Variants in DNM3 observed in about 807,000 individuals in gnomAD.
The protein encoded by DNM3 is dynamin-3.
Under a neutral mutation model 101.6 loss-of-function variants are expected in DNM3, and 47 were observed. That is an observed-to-expected ratio of 0.46 (90% confidence interval 0.37 to 0.59). DNM3 has a LOEUF of 0.59. DNM3 is among the 20% of genes least tolerant of loss of function. DNM3 has a pLI of 0.00. For missense variants in DNM3, 849 were observed against 1,085.7 expected (o/e 0.78, Z 3.06); for synonymous variants, 385 against 387.9 (o/e 0.99, Z 0.09).
intron 17 of DNM3, among the ~76,000 whole-genome samples, chr1:172,365,581 A>G (rs1277557621): frequency 1.3e-5 from 2 of 151,990 alleles, no homozygotes; most frequent in African/African-American, 2.4e-5. Context: ...GTAGACATTG[A>G]TGTCGTTGCA....
intron 13 of DNM3, among the ~76,000 whole-genome samples, chr1:172,130,912 CAT>C (rs1383255629): frequency 2.0e-5 from 3 of 152,102 alleles, no homozygotes; most frequent in African/African-American, 7.2e-5. Flanking sequence ...TGCCTCACTT[CAT>C]TCTTGTTTCA....
intron 20 of DNM3, chr1:172,397,043 A>G (rs577328414): frequency 1.3e-5 from 2 of 152,734 alleles, no homozygotes; most frequent in Admixed American, 1.3e-4. Context: ...TCCCTTAAGT[A>G]AATCTACCCT....
At chr1:172,169,968 G>C (rs1020181856) in intron 14 of DNM3, among the ~76,000 whole-genome samples, 1 of 151,800 alleles carries the variant, frequency 6.6e-6, no homozygotes, top group African/African-American at 2.4e-5. Flanking sequence ...AGTGTGCAAA[G>C]AAATCCCTTG....
intron 1 of DNM3, among the ~76,000 whole-genome samples, chr1:171,866,348 C>A (rs539305737): frequency 6.6e-6 from 1 of 152,036 alleles, no homozygotes; most frequent in Non-Finnish European, 1.5e-5. Context: ...TTTTCCATTT[C>A]TTTTGTACAT....
chr1:172,290,628 T>C (rs772456506), intron 15 of DNM3, among the ~76,000 whole-genome samples: 56 of 152,250 alleles, frequency 3.7e-4, no homozygotes, highest in South Asian at 6.2e-4. Context: ...GTGGCTTCTT[T>C]GTGGCGAGTG....
chr1:172,362,869 A>G (rs979935), intron 17 of DNM3, among the ~76,000 whole-genome samples: 107,234 of 151,430 alleles, frequency 0.71, 41,702 homozygotes, highest in East Asian at 0.89. Context: ...ATTCTATTTA[A>G]CCTCTTAGCA....
chr1:172,130,527 T>C (rs969028180), intron 13 of DNM3, among the ~76,000 whole-genome samples: 7 of 152,210 alleles, frequency 4.6e-5, no homozygotes, highest in Non-Finnish European at 8.8e-5. Flanking sequence ...TTTTGTAATA[T>C]GGTAGAGAAC....
chr1:171,853,185 A>C (rs1380521501), intron 1 of DNM3, among the ~76,000 whole-genome samples: 1 of 151,198 alleles, frequency 6.6e-6, no homozygotes, highest in East Asian at 1.9e-4. Flanking sequence ...TTTTTTTGAG[A>C]CAGGCTCTAG....
intron 14 of DNM3, among the ~76,000 whole-genome samples, chr1:172,203,946 T>G (rs979797581): frequency 2.6e-5 from 4 of 152,286 alleles, no homozygotes; most frequent in African/African-American, 9.6e-5. Flanking sequence ...ATGCCACATT[T>G]TTAAAGGTGA....
At chr1:172,268,839 C>T (rs1461412202) in intron 15 of DNM3, among the ~76,000 whole-genome samples, 2 of 151,926 alleles carry the variant, frequency 1.3e-5, no homozygotes, top group Non-Finnish European at 2.9e-5. Flanking sequence ...TTGTTTCTGC[C>T]TTTTTTGAGG....
chr1:171,902,266 A>G (rs1277314999), intron 1 of DNM3, among the ~76,000 whole-genome samples: 12 of 152,258 alleles, frequency 7.9e-5, no homozygotes. Flanking sequence ...TGAAAGGTCC[A>G]TTAAATTTCT....
chr1:172,234,603 T>C (rs1341064067), intron 14 of DNM3, among the ~76,000 whole-genome samples: 3 of 152,264 alleles, frequency 2.0e-5, no homozygotes, highest in Admixed American at 2.0e-4. Context: ...AGAACAAAGC[T>C]GGAGGCATCA....
At chr1:172,204,182 G>A (rs1340330038) in intron 14 of DNM3, among the ~76,000 whole-genome samples, 1 of 152,038 alleles carries the variant, frequency 6.6e-6, no homozygotes, top group Non-Finnish European at 1.5e-5. Flanking sequence ...TGGCCTTTGT[G>A]AATTTATTTT....
intron 14 of DNM3, among the ~76,000 whole-genome samples, chr1:172,181,414 A>G (rs1342621536): frequency 6.9e-6 from 1 of 145,268 alleles, no homozygotes; most frequent in African/African-American, 2.6e-5. Flanking sequence ...ACACACACAC[A>G]TATTTCTGGT....
At chr1:172,299,091 A>G (rs953368356) in intron 15 of DNM3, among the ~76,000 whole-genome samples, 3 of 152,208 alleles carry the variant, frequency 2.0e-5, no homozygotes, top group Non-Finnish European at 4.4e-5. Flanking sequence ...TAGAGTAGGA[A>G]TTAACTGTGC....
At chr1:172,040,896 G>T (rs2049333153) in intron 7 of DNM3, among the ~76,000 whole-genome samples, 1 of 152,098 alleles carries the variant, frequency 6.6e-6, no homozygotes, top group Non-Finnish European at 1.5e-5. Flanking sequence ...AACTGCAATG[G>T]CTTCCTTATG....
intron 1 of DNM3, among the ~76,000 whole-genome samples, chr1:171,849,097 G>A (rs1176900482): frequency 6.6e-6 from 1 of 152,184 alleles, no homozygotes; most frequent in African/African-American, 2.4e-5. Context: ...TCCTTCCAGT[G>A]GCTTGGAATT....
chr1:172,323,292 A>G (rs921029060), intron 16 of DNM3, 37 bp from the exon 17 acceptor site: 2 of 1,570,084 alleles, frequency 1.3e-6, no homozygotes, highest in African/African-American at 2.7e-5. Context: ...TCTGTTTAAC[A>G]TATTTCTCTT....
intron 15 of DNM3, among the ~76,000 whole-genome samples, chr1:172,271,394 T>C (rs2063079172): frequency 6.6e-6 from 1 of 152,176 alleles, no homozygotes; most frequent in Non-Finnish European, 1.5e-5. Context: ...TAACATAAAT[T>C]ATATGTTTTA....
Sources: gnomAD v4.1 joint callset for allele counts (sites outside exome capture counted in the v4.1 genomes callset) on GRCh38, gnomAD v4.1.1 for gene constraint, MANE v1.5 for transcripts, NCBI Gene and HGNC (gene_info 2026-07-23, HGNC 2026-07-21) for gene names.